Variants in EPHA3 observed in about 807,000 individuals in gnomAD.
EPHA3 encodes EPH receptor A3, also known as ephrin type-A receptor 3.
EPHA3 carries 42 observed loss-of-function variants against 107.1 expected under a neutral mutation model. The ratio of observed to expected loss-of-function variants is 0.39; its 90% CI spans 0.31 to 0.51. The LOEUF (loss-of-function observed/expected upper bound fraction) is 0.51, where lower values mean the gene tolerates loss of function less well. Among genes scored for constraint, EPHA3 ranks in the 20% least tolerant of loss-of-function variants. The probability of loss-of-function intolerance (pLI) is 0.78; values close to 1 mark genes in which losing one functional copy is unlikely to be tolerated. For missense variants in EPHA3, 1,183 were observed against 1,211.2 expected, an observed-to-expected ratio of 0.98 and a Z score of 0.35; for synonymous variants, 461 against 424.8, an observed-to-expected ratio of 1.09 and a Z score of -1.05.
At chr3:89,266,997 A>G (rs1705552849) in intron 3 of EPHA3, among the ~76,000 whole-genome samples, 1 of 152,166 alleles carries the variant, frequency 6.6e-6, no homozygotes, top group Non-Finnish European at 1.5e-5. Flanking sequence ...TAAAAAAATG[A>G]AATTGTCTAA....
intron 2 of EPHA3, among the ~76,000 whole-genome samples, chr3:89,203,337 A>C (rs1326622856): frequency 6.9e-6 from 1 of 145,262 alleles, no homozygotes. Flanking sequence ...AAAAAAAACA[A>C]AACAAAACAA....
intron 16 of EPHA3, among the ~76,000 whole-genome samples, chr3:89,479,068 C>T (rs1254154437): frequency 6.6e-6 from 1 of 152,190 alleles, no homozygotes; most frequent in African/African-American, 2.4e-5. Flanking sequence ...GAAACTGTCA[C>T]TGGATTTATG....
intron 2 of EPHA3, among the ~76,000 whole-genome samples, chr3:89,136,330 C>CTTTTTTTTTTGTTTTTTTTTTTTTTT (rs1704310690): frequency 4.3e-5 from 1 of 23,370 alleles, no homozygotes; most frequent in Non-Finnish European, 7.8e-5. Context: ...ATCTTACAGG[C>CTTTTTTTTTTGTTTTTTTTTTTTTTT]TTTTTTTTTT....
chr3:89,168,084 T>A (rs1376523304), intron 2 of EPHA3, among the ~76,000 whole-genome samples: 13 of 152,156 alleles, frequency 8.5e-5, no homozygotes, highest in South Asian at 2.1e-4. Context: ...AATTTTAAAG[T>A]TTGCAATTAA....
chr3:89,439,723 G>GCGCA (rs1709745758), intron 13 of EPHA3, among the ~76,000 whole-genome samples: 1 of 133,222 alleles, frequency 7.5e-6, no homozygotes, highest in Non-Finnish European at 1.7e-5. Context: ...TCATATTAAG[G>GCGCA]CACACACACA....
intron 3 of EPHA3, among the ~76,000 whole-genome samples, chr3:89,271,264 GA>G (rs1032720956): frequency 2.6e-5 from 4 of 151,766 alleles, no homozygotes; most frequent in African/African-American, 9.7e-5. Flanking sequence ...AAGAAAAGCC[GA>G]AAAAAAGAAA....
chr3:89,444,117 A>G (rs901962601), intron 13 of EPHA3, among the ~76,000 whole-genome samples: 7 of 152,302 alleles, frequency 4.6e-5, no homozygotes, highest in South Asian at 2.1e-4. Context: ...ACATAGTTTC[A>G]TGTGAGTTAA....
chr3:89,448,468 A>G (rs1041859847), intron 13 of EPHA3, among the ~76,000 whole-genome samples: 1 of 152,188 alleles, frequency 6.6e-6, no homozygotes, highest in Non-Finnish European at 1.5e-5. Context: ...CAATCAGTAC[A>G]TCTTTATTAA....
At chr3:89,189,893 C>T (rs1299424845) in intron 2 of EPHA3, among the ~76,000 whole-genome samples, 1 of 152,022 alleles carries the variant, frequency 6.6e-6, no homozygotes, top group Non-Finnish European at 1.5e-5. Flanking sequence ...GTTCAGTAGC[C>T]CTGCCATTTT....
chr3:89,457,455 G>A (rs1710121231), intron 15 of EPHA3, among the ~76,000 whole-genome samples: 2 of 152,050 alleles, frequency 1.3e-5, no homozygotes, highest in African/African-American at 4.8e-5. Context: ...GTTGTGAACC[G>A]CACACACGAG....
At position 89,345,863 on chromosome 3, in the gene EPHA3, G is replaced by A. The variant is rs1184212772; in HGVS notation, c.1306+3773G>A. On this transcript the variant is annotated intron_variant, in intron 5 of 16. Transcript: ENST00000336596. ...TTCCCACCTATGAGTGAGAATATGC[G>A]GTGTTTGGTTTTTTGTTCTTGCGAT... 8.3e-3 allele frequency among the ~76,000 whole-genome samples: 1,136 copies of A among 136,770 alleles called. 20 individuals carry two copies. The highest frequency in any genetic ancestry group is 0.024 in the African/African-American group (907 of 37,184). The allele number at this position is 136,770 out of a possible 152,430, so 89.7% of individuals were successfully genotyped here. A position where few individuals can be genotyped will look rare whatever the true frequency, so the allele number is the denominator to read the frequency against.
intron 3 of EPHA3, among the ~76,000 whole-genome samples, chr3:89,266,229 G>A (rs1705535784): frequency 1.3e-5 from 2 of 152,072 alleles, no homozygotes; most frequent in African/African-American, 2.4e-5. Context: ...TAAAGAAACT[G>A]AAACCTACAG....
chr3:89,260,531 T>C (rs554577991), intron 3 of EPHA3, among the ~76,000 whole-genome samples: 2 of 152,292 alleles, frequency 1.3e-5, no homozygotes, highest in East Asian at 3.9e-4. Context: ...AATCAGGTTA[T>C]TTATTTTTCT....
At chr3:89,411,211 T>C (rs1709149975) in intron 9 of EPHA3, among the ~76,000 whole-genome samples, 1 of 151,742 alleles carries the variant, frequency 6.6e-6, no homozygotes, top group Non-Finnish European at 1.5e-5. Flanking sequence ...TGCCAAGATA[T>C]TCAAGATGAA....
intron 7 of EPHA3, among the ~76,000 whole-genome samples, chr3:89,405,541 T>G (rs1321860742): frequency 2.0e-5 from 3 of 152,178 alleles, no homozygotes; most frequent in Non-Finnish European, 4.4e-5. Flanking sequence ...TGAGCACTTT[T>G]CTTCAGATGC....
intron 3 of EPHA3, among the ~76,000 whole-genome samples, chr3:89,260,896 C>A (rs1018111915): frequency 6.6e-6 from 1 of 152,232 alleles, no homozygotes; most frequent in African/African-American, 2.4e-5. Context: ...TGGTCCTCCA[C>A]AGCATTTCCA....
chr3:89,324,112 G>A (rs536991417), intron 3 of EPHA3, among the ~76,000 whole-genome samples: 1 of 149,462 alleles, frequency 6.7e-6, no homozygotes, highest in Admixed American at 6.7e-5. Context: ...TCAAAAAATA[G>A]GAATAGTTCC....
rs534308088 is a variant in EPHA3, at chr3:89,192,511, G to A, written c.154-17349G>A. On this transcript the variant is annotated intron_variant, in intron 2 of 16. Transcript: ENST00000336596. ...TATGTACCAAAATATATTCATATAT[G>A]TATACACATCAAGTAGAAATAAATA... Among the ~76,000 whole-genome samples the A allele has an allele frequency of 3.9e-5, 6 of 151,990 alleles. No individual in the cohort carries two copies. In the South Asian group the frequency reaches 1.0e-3, roughly 26 times the overall value.
chr3:89,310,172 G>A (rs73846139), intron 3 of EPHA3, among the ~76,000 whole-genome samples: 11,924 of 151,976 alleles, frequency 0.078, 1,546 homozygotes, highest in African/African-American at 0.27. Flanking sequence ...GAGCAGTTCA[G>A]GCCAGGGTTC....
Sources: allele counts gnomAD v4.1 joint callset (sites outside exome capture counted in the v4.1 genomes callset), GRCh38; gene constraint gnomAD v4.1.1; transcripts MANE v1.5; gene names NCBI Gene and HGNC (gene_info 2026-07-23, HGNC 2026-07-21).